SLC39A11: variants seen among roughly 807,000 people sequenced by gnomAD.
SLC39A11 encodes the protein solute carrier family 39 member 11, also known as zinc transporter ZIP11.
In SLC39A11, 33 loss-of-function variants were observed where a neutral mutation model predicts 36.1. The observed-to-expected ratio is 0.91, with a 90% CI of 0.69 to 1.22. SLC39A11 has a LOEUF of 1.22. Among genes scored for constraint, SLC39A11 ranks in the 50% most tolerant of loss-of-function variants. The pLI is 0.00. For synonymous variants in SLC39A11, 166 were observed against 170.3 expected (o/e 0.97, Z 0.20); for missense variants, 432 against 430.3 (o/e 1.00, Z -0.03).
At chr17:72,976,128 C>CCA (rs1012323778) in intron 4 of SLC39A11, among the ~76,000 whole-genome samples, 6 of 139,220 alleles carry the variant, frequency 4.3e-5, no homozygotes, top group African/African-American at 1.6e-4. Flanking sequence ...CGAGATCATG[C>CCA]CACTGCACTC....
chr17:72,733,929 T>C (rs540660768), intron 7 of SLC39A11, among the ~76,000 whole-genome samples: 3 of 152,094 alleles, frequency 2.0e-5, no homozygotes, highest in Non-Finnish European at 4.4e-5. Context: ...CCCAGCATTA[T>C]GAGATAACTG....
intron 7 of SLC39A11, among the ~76,000 whole-genome samples, chr17:72,709,319 G>A (rs1296521397): frequency 6.6e-6 from 1 of 152,066 alleles, no homozygotes; most frequent in Non-Finnish European, 1.5e-5. Context: ...GTCTCATTAT[G>A]TTGCTCAGGC....
At chr17:72,911,082 A>G (rs34428905) in intron 5 of SLC39A11, among the ~76,000 whole-genome samples, 77,487 of 151,504 alleles carry the variant, frequency 0.51, 19,740 homozygotes, top group African/African-American at 0.54. Context: ...CTTATAAAAC[A>G]AGTAACAGAG....
At chr17:72,666,280 G>C (rs908635213) in intron 7 of SLC39A11, among the ~76,000 whole-genome samples, 19 of 152,128 alleles carry the variant, frequency 1.2e-4, no homozygotes, top group African/African-American at 4.3e-4. Context: ...TGCACATCTG[G>C]AAAGCCAAAA....
intron 6 of SLC39A11, among the ~76,000 whole-genome samples, chr17:72,798,904 G>A (rs1304976734): frequency 6.6e-6 from 1 of 152,072 alleles, no homozygotes; most frequent in Non-Finnish European, 1.5e-5. Context: ...TCTTTGGGAA[G>A]GAAGGCAGGC....
chr17:72,729,405 T>TTA (rs1162603035), intron 7 of SLC39A11, among the ~76,000 whole-genome samples: 41 of 29,222 alleles, frequency 1.4e-3, no homozygotes, highest in Non-Finnish European at 2.5e-3. Flanking sequence ...ACCTGGCTAT[T>TTA]TATATATATA....
At chr17:72,749,676 T>C (rs1488917756) in intron 6 of SLC39A11, among the ~76,000 whole-genome samples, 1 of 152,006 alleles carries the variant, frequency 6.6e-6, no homozygotes, top group Non-Finnish European at 1.5e-5. Flanking sequence ...GATGGAGGCT[T>C]TGCTAAGTGC....
At chr17:73,085,405 C>T (rs1177706221) in intron 2 of SLC39A11, among the ~76,000 whole-genome samples, 1 of 151,710 alleles carries the variant, frequency 6.6e-6, no homozygotes, top group Non-Finnish European at 1.5e-5. Flanking sequence ...CAGCACTTTG[C>T]GAGGCCAAGG....
intron 5 of SLC39A11, among the ~76,000 whole-genome samples, chr17:72,861,674 T>C (rs2080018355): frequency 8.2e-6 from 1 of 121,634 alleles, no homozygotes; most frequent in South Asian, 2.5e-4. Flanking sequence ...TATATATATA[T>C]ATATATATAT....
chr17:72,964,803 G>A (rs368972874), intron 4 of SLC39A11, among the ~76,000 whole-genome samples: 10 of 152,210 alleles, frequency 6.6e-5, no homozygotes, highest in Admixed American at 2.0e-4. Flanking sequence ...ACATGCACAC[G>A]TATGTTTATT....
chr17:72,864,265 A>G (rs1373390036), intron 5 of SLC39A11, among the ~76,000 whole-genome samples: 2 of 151,974 alleles, frequency 1.3e-5, no homozygotes, highest in Non-Finnish European at 2.9e-5. Context: ...CTCATCCACC[A>G]GATAGTTGGT....
At chr17:72,865,919 A>AT (rs1417222050) in intron 5 of SLC39A11, among the ~76,000 whole-genome samples, 1 of 152,256 alleles carries the variant, frequency 6.6e-6, no homozygotes, top group Non-Finnish European at 1.5e-5. Flanking sequence ...GACAAATTAG[A>AT]TAGTCGGATA....
At chr17:72,736,628 G>C in intron 7 of SLC39A11, 22 bp downstream of exon 7, 1 of 1,611,016 alleles carries the variant, frequency 6.2e-7, no homozygotes, top group Non-Finnish European at 8.5e-7. Context: ...CCATGCTCTA[G>C]GGTCCCAGGA....
chr17:73,076,296 G>A (rs1256308625), intron 3 of SLC39A11, among the ~76,000 whole-genome samples: 2 of 152,082 alleles, frequency 1.3e-5, no homozygotes, highest in East Asian at 3.8e-4. Flanking sequence ...AAGAAAAAAT[G>A]ATTAACACTT....
At chr17:73,091,245 C>T (rs1268342411) in intron 1 of SLC39A11, among the ~76,000 whole-genome samples, 16 of 152,046 alleles carry the variant, frequency 1.1e-4, no homozygotes, top group Admixed American at 7.9e-4. Flanking sequence ...CTGGCCAACA[C>T]GGTGAAACCC....
At chr17:72,877,412 G>A (rs1356498565) in intron 5 of SLC39A11, among the ~76,000 whole-genome samples, 2 of 152,136 alleles carry the variant, frequency 1.3e-5, no homozygotes, top group African/African-American at 2.4e-5. Context: ...TTGAAGGGTG[G>A]GCAATTAGAA....
At chr17:72,775,125 C>A (rs777312603) in intron 6 of SLC39A11, among the ~76,000 whole-genome samples, 24 of 152,302 alleles carry the variant, frequency 1.6e-4, no homozygotes, top group Non-Finnish European at 3.2e-4. Flanking sequence ...TCGCTTTCAG[C>A]AGCCCCATTT....
intron 4 of SLC39A11, among the ~76,000 whole-genome samples, chr17:72,978,643 G>A (rs1298019259): frequency 6.6e-6 from 1 of 152,096 alleles, no homozygotes; most frequent in East Asian, 1.9e-4. Flanking sequence ...GGGAGACTGT[G>A]GGGAGCATGG....
chr17:72,973,316 C>G (rs956690492), intron 4 of SLC39A11, among the ~76,000 whole-genome samples: 1 of 150,898 alleles, frequency 6.6e-6, no homozygotes, highest in Non-Finnish European at 1.5e-5. Context: ...CCAGCACTGC[C>G]GGGGGGGCAC....
Sources: allele counts gnomAD v4.1 joint callset (sites outside exome capture counted in the v4.1 genomes callset), GRCh38; gene constraint gnomAD v4.1.1; transcripts MANE v1.5; gene names NCBI Gene and HGNC (gene_info 2026-07-23, HGNC 2026-07-21).